The following BCL9L variants were observed in gnomAD, a reference collection of about 807,000 sequenced individuals.
BCL9L encodes B-cell CLL/lymphoma 9-like protein.
A neutral mutation model predicts 99.4 loss-of-function variants in BCL9L; 19 were observed. The observed-to-expected ratio is 0.19, with a 90% CI of 0.13 to 0.28. The LOEUF is 0.28. BCL9L is among the 10% of genes least tolerant of loss of function. The pLI is 1.00. For missense variants in BCL9L, 2,023 were observed against 2,101.6 expected, an observed-to-expected ratio of 0.96 and a Z score of 0.73; for synonymous variants, 900 against 854.8, an observed-to-expected ratio of 1.05 and a Z score of -0.92.
At position 118,899,253 on chromosome 11, in the gene BCL9L, C is replaced by G. The variant is rs1940089737; in HGVS notation, c.3662G>C (p.Ser1221Thr). Residue 1221 changes from serine to threonine, a missense_variant, in exon 10 of 10, where the codon AGC becomes ACC. By Grantham distance (58) the Ser-to-Thr change is moderately conservative. Coordinates refer to ENST00000683865, the MANE Select transcript of BCL9L (RefSeq NM_001378213.1). Reference sequence around the variant, plus strand: ...GGGGAAGGGCATCATCTGGGAGGAGCTGGGCACTGGGCCACAGGGGGCATT... The same window carrying G: ...GGGGAAGGGCATCATCTGGGAGGAGGTGGGCACTGGGCCACAGGGGGCATT... ...SLNAPCGPVP[S>T]SSQMMPFPPR... 1 of 1,522,742 alleles carries G rather than the reference C, an allele frequency of 6.6e-7. No homozygotes were observed. Among genetic ancestry groups the G allele is most frequent in the South Asian group, 1.3e-5 (1 of 75,988 alleles). The allele number at this position is 1,522,742 out of a possible 1,614,324, so 94.3% of individuals were successfully genotyped here.
chr11:118,899,965 C>T lies in BCL9L; in HGVS notation c.3358G>A (p.Asp1120Asn), dbSNP rs916349104. Reference sequence around the variant, plus strand: ...GGTGGGGGGGGCAGCAGGGGCCGGTCGGGCAGCAGCTCGTCGTCTGAGGTG... The same window carrying T: ...GGTGGGGGGGGCAGCAGGGGCCGGTTGGGCAGCAGCTCGTCGTCTGAGGTG... Reference protein sequence around the residue: ...IATSDDELLPDRPLLPPPPPP... With the variant: ...IATSDDELLPNRPLLPPPPPP... The change falls in exon 9 of 10, where the codon GAC (aspartate) becomes AAC (asparagine). Residue 1120 changes from aspartate (D) to asparagine (N), a missense_variant. Transcript: ENST00000683865. 1.3e-5 allele frequency: 21 copies of T among 1,613,670 alleles called. No homozygotes were observed. Among genetic ancestry groups the T allele is most frequent in the African/African-American group, 4.0e-5 (3 of 74,884 alleles).
rs1338156780 is a variant in BCL9L at position 118,910,750 on chromosome 11, G to A, written c.-76-735C>T. 10 of 156,636 alleles carry A rather than the reference G, an allele frequency of 6.4e-5. No individual in the cohort carries two copies. The Middle Eastern group carries it at 2.1e-3, about 32-fold the overall frequency. The allele number at this position is 156,636 out of a possible 1,614,324, so 9.7% of individuals were successfully genotyped here. On this transcript the variant is annotated intron_variant, in intron 2 of 9. Transcript: ENST00000683865. ...AGGCCCCGCGCGCGGACAGACACACGGACAAGTCCCGCCAGGGGCTGGGCG... is the reference window on the plus strand; with the variant it reads ...AGGCCCCGCGCGCGGACAGACACACAGACAAGTCCCGCCAGGGGCTGGGCG...
intron 2 of BCL9L, among the ~76,000 whole-genome samples, chr11:118,915,128 T>A (rs1473983191): frequency 6.6e-6 from 1 of 151,494 alleles, no homozygotes; most frequent in Non-Finnish European, 1.5e-5. Flanking sequence ...AGCGAGACTG[T>A]CTCAAAAAAA....
At chr11:118,918,428 G>T (rs775929012) in intron 2 of BCL9L, among the ~76,000 whole-genome samples, 1 of 152,148 alleles carries the variant, frequency 6.6e-6, no homozygotes, top group Non-Finnish European at 1.5e-5. Flanking sequence ...GGAGGAGCAA[G>T]GACTTGGGAT....
chr11:118,906,479 T>C (rs1940524470), intron 5 of BCL9L, among the ~76,000 whole-genome samples: 2 of 152,162 alleles, frequency 1.3e-5, no homozygotes, highest in Non-Finnish European at 2.9e-5. Context: ...TCCATAACAT[T>C]TGCTGACTCT....
rs530453527 is a variant in BCL9L, at chr11:118,910,907, G to A, written c.-76-892C>T. ...GACAGGGAGACAAGACACGCACGGA[G>A]CCCAGGAAGCTAGAGGCGCGCCGAG... On this transcript the variant is annotated intron_variant, in intron 2 of 9. Coordinates refer to ENST00000683865, the MANE Select transcript of BCL9L (RefSeq NM_001378213.1). 6 of 217,694 alleles carry A rather than the reference G, an allele frequency of 2.8e-5. No individual in the cohort carries two copies. The East Asian group carries it at 9.7e-4, about 35-fold the overall frequency. 13.5% of individuals were successfully genotyped at this position (217,694 alleles called of 1,614,324 possible).
At chr11:118,916,218 G>A (rs533274810) in intron 2 of BCL9L, among the ~76,000 whole-genome samples, 92 of 152,154 alleles carry the variant, frequency 6.0e-4, no homozygotes, top group Non-Finnish European at 1.2e-3. Context: ...CAGAGCCAGG[G>A]GCTCCAGCCC....
Position 118,899,177 on chromosome 11 carries a change from GCC to G in BCL9L, c.3736_3737del (p.Gly1246ArgfsTer87). The G allele has an allele frequency of 6.7e-7, 1 of 1,484,214 alleles. No individual in the cohort carries two copies. The highest frequency in any genetic ancestry group is 9.0e-7 in the Non-Finnish European group (1 of 1,116,072). 91.9% of individuals were successfully genotyped at this position (1,484,214 alleles called of 1,614,324 possible). On this transcript the variant is annotated frameshift_variant, in exon 10 of 10. Transcript: ENST00000683865. LOFTEE classifies it high-confidence loss of function. The stretch of plus-strand genomic sequence containing the variant: ...AGTGCTGCTGCAGGCCAGGCCCCCC[GCC>G]CCCACCCCCAGTGGGGGCCATGGCA... ...HGAMAPTGGG[G>X]GGPGLQQHYP...
chr11:118,898,907 G>T lies in BCL9L; in HGVS notation c.4008C>A (p.Ser1336Arg). 6.2e-7 allele frequency: 1 copy of T among 1,613,516 alleles called. No homozygotes were observed. Among genetic ancestry groups the T allele is most frequent in the Non-Finnish European group, 8.5e-7 (1 of 1,179,606 alleles). ...LSRIIPSEKP[S>R]STLQYFPKSE... ...TCTTGGGGAAGTACTGGAGGGTGCT[G>T]CTTGGCTTCTCAGAGGGGATGATCC... The change falls in exon 10 of 10, where the codon AGC becomes AGA. Residue 1336 changes from serine (S) to arginine (R), a missense_variant. Transcript: ENST00000683865.
rs957378884 is a variant in BCL9L at position 118,908,217 on chromosome 11, G to C, written c.412+53C>G. 6 of 1,509,350 alleles carry C rather than the reference G, an allele frequency of 4.0e-6. No individual in the cohort carries two copies. In the African/African-American group the frequency reaches 8.4e-5, roughly 21 times the overall value. The allele number at this position is 1,509,350 out of a possible 1,614,324, so 93.5% of individuals were successfully genotyped here. A position where few individuals can be genotyped will look rare whatever the true frequency, so the allele number is the denominator to read the frequency against. On this transcript the variant is annotated intron_variant, in intron 4 of 9. Coordinates refer to ENST00000683865, the MANE Select transcript of BCL9L (RefSeq NM_001378213.1). Reference sequence around the variant, plus strand: ...AGAGAGGTGATCTCCCAGAACATCTGAGCCTTGGACTATGGGAGATGCTAG... The same window carrying C: ...AGAGAGGTGATCTCCCAGAACATCTCAGCCTTGGACTATGGGAGATGCTAG...
intron 5 of BCL9L, among the ~76,000 whole-genome samples, chr11:118,905,090 A>T (rs1449057510): frequency 6.6e-6 from 1 of 152,212 alleles, no homozygotes; most frequent in Non-Finnish European, 1.5e-5. Context: ...TTTACAGATG[A>T]GGAAACTGAG....
rs745451082 is a variant in BCL9L, at chr11:118,897,766, T to TC, written c.*648_*649insG. On this transcript the variant is annotated 3_prime_UTR_variant, in exon 10 of 10. Coordinates refer to ENST00000683865, the MANE Select transcript of BCL9L (RefSeq NM_001378213.1). ...AAGGGTTTCTTTTATCCTTTTTTTT[T>TC]TGTGTGACTTCTATCAAAACACAGA... The TC allele has an allele frequency of 1.5e-4, 66 of 453,282 alleles. No homozygotes were observed. The highest frequency in any genetic ancestry group is 2.5e-4 in the Non-Finnish European group (57 of 226,200). The allele number at this position is 453,282 out of a possible 1,614,324, so 28.1% of individuals were successfully genotyped here. A position where few individuals can be genotyped will look rare whatever the true frequency, so the allele number is the denominator to read the frequency against.
In BCL9L at chr11:118,922,996, TG is replaced by T. The variant is rs571814750; in HGVS notation, c.-131+2241del. Among the ~76,000 whole-genome samples, 1,298 of 152,018 alleles carry T rather than the reference TG, an allele frequency of 8.5e-3. 20 individuals carry two copies. Among genetic ancestry groups the T allele is most frequent in the African/African-American group, 0.03 (1,222 of 41,390 alleles). On this transcript the variant is annotated intron_variant, in intron 1 of 9. Coordinates refer to ENST00000683865, the MANE Select transcript of BCL9L (RefSeq NM_001378213.1). The surrounding 1 kb of genome is among the most constrained non-coding windows in gnomAD (Gnocchi z 6.2). ...TCAGCGTGTGGTACCAGAGGCAGTG[TG>T]GGGGTGCCCCCAGCTCCTCCTATTG...
intron 2 of BCL9L, chr11:118,910,663 GAGCGAGCGACAGCC>G (rs1940748846): frequency 6.5e-6 from 1 of 153,264 alleles, no homozygotes; most frequent in East Asian, 1.9e-4. Context: ...GAGGCAGAGC[GAGCGAGCGACAGCC>G]AGCGAGGCAG....
In BCL9L at chr11:118,899,507, C is replaced by A; in HGVS notation, c.3408G>T (p.Gly1136=). ...TCTGGCTGGGCTGGCTGTTGCTGAT[C>A]CCTGTAGGGAATAGAAGACAGGGGG... ...PPPPPQGSGP[G]ISNSQPSQMH... Residue 1136 remains glycine (G), a splice_region_variant and synonymous_variant, in exon 10 of 10, where the codon GGG becomes GGT. Transcript: ENST00000683865. 2 of 1,607,918 alleles carry A rather than the reference C, an allele frequency of 1.2e-6. No homozygotes were observed.
chr11:118,915,332 G>C (rs1940931484), intron 2 of BCL9L, among the ~76,000 whole-genome samples: 1 of 152,140 alleles, frequency 6.6e-6, no homozygotes, highest in South Asian at 2.1e-4. Flanking sequence ...ACCACTTCTG[G>C]CCTCAATTTC....
rs1245092600 is a variant in BCL9L at position 118,922,269 on chromosome 11, A to T, written c.-131+2969T>A. ...GGCAGCCTTCAGGGCCGCCGAGCCA[A>T]GTGACATGCACCAGCTCAGGAGCTG... On this transcript the variant is annotated intron_variant, in intron 1 of 9. Coordinates refer to ENST00000683865, the MANE Select transcript of BCL9L (RefSeq NM_001378213.1). This position sits in a 1 kb window ranked among gnomAD's most constrained non-coding sequence, Gnocchi z 6.2. Among the ~76,000 whole-genome samples, 1 of 152,168 alleles carries T rather than the reference A, an allele frequency of 6.6e-6. No homozygotes were observed. Among genetic ancestry groups the T allele is most frequent in the East Asian group, 1.9e-4 (1 of 5,182 alleles).
chr11:118,898,313 A>AACCCCCCCC lies in BCL9L; in HGVS notation c.*101_*102insGGGGGGGGT. On this transcript the variant is annotated 3_prime_UTR_variant, in exon 10 of 10. Coordinates refer to ENST00000683865, the MANE Select transcript of BCL9L (RefSeq NM_001378213.1). ...ACACAAGCCCCCTCCCACCCCCTCC[A>AACCCCCCCC]CCCCACCCCGCGACCCAGGCCATCC... The AACCCCCCCC allele has an allele frequency of 3.7e-6, 1 of 273,720 alleles. No individual in the cohort carries two copies. 17.0% of individuals were successfully genotyped at this position (273,720 alleles called of 1,614,324 possible). A position where few individuals can be genotyped will look rare whatever the true frequency, so the allele number is the denominator to read the frequency against.
chr11:118,909,801 G>A (rs1940703110), intron 3 of BCL9L, 113 bp downstream of exon 3: 3 of 1,541,790 alleles, frequency 1.9e-6, no homozygotes, highest in Non-Finnish European at 2.7e-6. Context: ...TGGGAGCCAG[G>A]TGCCCAGGGC....
Sources: allele counts gnomAD v4.1 joint callset (sites outside exome capture counted in the v4.1 genomes callset), GRCh38; gene constraint gnomAD v4.1.1; non-coding constraint Gnocchi (gnomAD v3.1); transcripts MANE v1.5; gene names NCBI Gene and HGNC (gene_info 2026-07-23, HGNC 2026-07-21).